SHQ1: variants seen among roughly 807,000 people sequenced by gnomAD.
SHQ1 encodes the protein protein SHQ1 homolog.
A neutral mutation model predicts 53.8 loss-of-function variants in SHQ1; 49 were observed. The observed-to-expected ratio is 0.91, with a 90% CI of 0.72 to 1.16. The LOEUF (loss-of-function observed/expected upper bound fraction) is 1.16, where lower values mean the gene tolerates loss of function less well. SHQ1 is among the 50% of genes most tolerant of loss of function. The probability of loss-of-function intolerance (pLI) is 0.00; values close to 1 mark genes in which losing one functional copy is unlikely to be tolerated. For missense variants in SHQ1, 738 were observed against 683.1 expected, an observed-to-expected ratio of 1.08 and a Z score of -0.90; for synonymous variants, 243 against 251.0, an observed-to-expected ratio of 0.97 and a Z score of 0.30.
intron 5 of SHQ1, among the ~76,000 whole-genome samples, chr3:72,826,805 A>C (rs1282942372): frequency 1.3e-5 from 2 of 152,236 alleles, no homozygotes; most frequent in Admixed American, 6.5e-5. Flanking sequence ...AGGGAAAAAA[A>C]GTTGAAAGAA....
intron 3 of SHQ1, 39 bp from the exon 4 acceptor site, chr3:72,841,238 T>C: frequency 6.5e-7 from 1 of 1,536,820 alleles, no homozygotes; most frequent in Non-Finnish European, 8.8e-7. Context: ...AAGTATTGGA[T>C]TTAAGTACAA....
intron 10 of SHQ1, among the ~76,000 whole-genome samples, chr3:72,759,924 G>A (rs1371373782): frequency 6.6e-6 from 1 of 152,094 alleles, no homozygotes. Flanking sequence ...TGGTCTTTTT[G>A]TAGCAGAATC....
downstream of SHQ1, among the ~76,000 whole-genome samples, chr3:72,748,329 CAAAAAAAAAAAAAAAAAA>C (rs572927520): frequency 6.8e-5 from 4 of 58,792 alleles, no homozygotes; most frequent in South Asian, 8.0e-4. Flanking sequence ...ATGAGGCATG[CAAAAAAAAAAAAAAAAAA>C]AAAAAAAAAA....
chr3:72,770,693 G>A (rs893797252), intron 10 of SHQ1, among the ~76,000 whole-genome samples: 1 of 152,170 alleles, frequency 6.6e-6, no homozygotes, highest in Non-Finnish European at 1.5e-5. Context: ...AATAAAAGAA[G>A]AGGGAATCAG....
intron 6 of SHQ1, among the ~76,000 whole-genome samples, chr3:72,821,273 A>C (rs1176966801): frequency 6.6e-6 from 1 of 152,198 alleles, no homozygotes; most frequent in Non-Finnish European, 1.5e-5. Context: ...TTGACTATAA[A>C]TGTTACGTGG....
At chr3:72,790,505 T>C (rs532506908) in intron 10 of SHQ1, among the ~76,000 whole-genome samples, 3 of 152,212 alleles carry the variant, frequency 2.0e-5, no homozygotes, top group African/African-American at 7.2e-5. Context: ...AATAAGGTGC[T>C]AGATTTCACT....
rs1420754646 is a variant in SHQ1, at chr3:72,817,238, C to T, written c.874G>A (p.Glu292Lys). ...CACATACATGCACTTACATTCTTCT[C>T]TCCTTCAGTGACACGGGTTTCATAG... ...YCYETRVTEG[E>K]KNVESAWNIR... is the part of the protein sequence containing the mutation. Residue 292 changes from glutamate (E) to lysine (K), a missense_variant, in exon 7 of 11, where the codon GAG becomes AAG. Transcript: ENST00000325599. 2 of 1,612,688 alleles carry T rather than the reference C, an allele frequency of 1.2e-6. No individual in the cohort carries two copies. The highest frequency in any genetic ancestry group is 1.7e-6 in the Non-Finnish European group (2 of 1,179,404).
chr3:72,777,519 T>C (rs1222169780), intron 10 of SHQ1, among the ~76,000 whole-genome samples: 1 of 152,214 alleles, frequency 6.6e-6, no homozygotes, highest in Non-Finnish European at 1.5e-5. Flanking sequence ...CTTCAGATTG[T>C]CAAATCGTAA....
At chr3:72,798,557 A>C (rs151155310) in intron 9 of SHQ1, among the ~76,000 whole-genome samples, 211 of 152,366 alleles carry the variant, frequency 1.4e-3, no homozygotes, top group Non-Finnish European at 1.5e-3. Context: ...TTTCCTTTAA[A>C]GGGAAGGTAA....
intron 6 of SHQ1, among the ~76,000 whole-genome samples, 171 bp downstream of exon 6, chr3:72,824,253 G>A (rs997143003): frequency 4.6e-5 from 7 of 152,056 alleles, no homozygotes; most frequent in Non-Finnish European, 1.0e-4. Flanking sequence ...ATTATTTAGC[G>A]GCATTTTCCA....
In SHQ1 at chr3:72,799,005, C is replaced by T. The variant is rs79585766; in HGVS notation, c.1061-5969G>A. ...GGCTAAGATCAAATGTCATATCTGTCCTTATCAAGACAAGAGGCCAAAATA... is the reference window on the plus strand; with the variant it reads ...GGCTAAGATCAAATGTCATATCTGTTCTTATCAAGACAAGAGGCCAAAATA... On this transcript the variant is annotated intron_variant, in intron 9 of 10. Coordinates refer to ENST00000325599, the MANE Select transcript of SHQ1 (RefSeq NM_018130.3). 2.4e-3 allele frequency among the ~76,000 whole-genome samples: 362 copies of T among 152,106 alleles called. 2 individuals are homozygous for T. The highest frequency in any genetic ancestry group is 8.2e-3 in the African/African-American group (340 of 41,502).
At chr3:72,758,573 T>C (rs989888619) in intron 10 of SHQ1, among the ~76,000 whole-genome samples, 6 of 147,108 alleles carry the variant, frequency 4.1e-5, no homozygotes, top group Non-Finnish European at 6.0e-5. Flanking sequence ...TTTTCTTTTT[T>C]TTTTTTTTTT....
chr3:72,803,409 A>T (rs1438907802), intron 9 of SHQ1, among the ~76,000 whole-genome samples: 1 of 152,150 alleles, frequency 6.6e-6, no homozygotes, highest in Non-Finnish European at 1.5e-5. Flanking sequence ...CGAAGTAGGC[A>T]TCTCAGTTTG....
At chr3:72,827,311 A>G (rs1486317569) in intron 5 of SHQ1, among the ~76,000 whole-genome samples, 1 of 152,134 alleles carries the variant, frequency 6.6e-6, no homozygotes, top group Non-Finnish European at 1.5e-5. Flanking sequence ...TGCTCAAGAC[A>G]GAGATATGAG....
Position 72,825,361 on chromosome 3 carries a change from TACACACACAC to T in SHQ1, c.600-820_600-811del, listed in dbSNP as rs61048915. Among the ~76,000 whole-genome samples the T allele has an allele frequency of 2.1e-3, 301 of 141,964 alleles. 2 individuals carry two copies. The highest frequency in any genetic ancestry group is 7.1e-3 in the African/African-American group (274 of 38,640). The allele number at this position is 141,964 out of a possible 152,430, so 93.1% of individuals were successfully genotyped here. On this transcript the variant is annotated intron_variant, in intron 5 of 10. Transcript: ENST00000325599. Reference sequence around the variant, plus strand: ...TCTCCACAAAGAGGCTAAAAGGGGCTACACACACACACACACACACACACACACACACACA... The same window carrying T: ...TCTCCACAAAGAGGCTAAAAGGGGCTACACACACACACACACACACACACA...
intron 10 of SHQ1, among the ~76,000 whole-genome samples, chr3:72,763,022 TACACACACACACACACAC>T (rs35278618): frequency 1.1e-4 from 15 of 132,744 alleles, no homozygotes; most frequent in East Asian, 2.1e-4. Flanking sequence ...CATCTTGTTT[TACACACACACACACACAC>T]ACACACACAC....
chr3:72,755,269 T>G (rs537341262), intron 10 of SHQ1, among the ~76,000 whole-genome samples: 1 of 150,176 alleles, frequency 6.7e-6, no homozygotes, highest in African/African-American at 2.5e-5. Flanking sequence ...GATGGATAGA[T>G]GGATAGATGG....
At chr3:72,846,194 G>C (rs1502754) in intron 1 of SHQ1, 4 of 1,534,258 alleles carry the variant, frequency 2.6e-6, no homozygotes, top group African/African-American at 1.4e-5. Flanking sequence ...TCTTACTGCA[G>C]AGAAAATTAT....
intron 3 of SHQ1, among the ~76,000 whole-genome samples, chr3:72,841,936 G>T (rs1183292212): frequency 6.6e-6 from 1 of 152,116 alleles, no homozygotes; most frequent in Non-Finnish European, 1.5e-5. Flanking sequence ...GTTCCTAACG[G>T]GCCATGGATC....
Sources: gnomAD v4.1 joint callset for allele counts (sites outside exome capture counted in the v4.1 genomes callset) on GRCh38, gnomAD v4.1.1 for gene constraint, MANE v1.5 for transcripts, NCBI Gene and HGNC (gene_info 2026-07-23, HGNC 2026-07-21) for gene names.